CNTNAP5: variants seen among roughly 807,000 people sequenced by gnomAD.
CNTNAP5 encodes contactin-associated protein-like 5.
A neutral mutation model predicts 150.2 loss-of-function variants in CNTNAP5; 72 were observed. That is an observed-to-expected ratio of 0.48 (90% CI 0.40 to 0.58). The LOEUF (loss-of-function observed/expected upper bound fraction) is 0.58. CNTNAP5 is among the 20% of genes least tolerant of loss of function. The pLI is 0.00. For missense variants in CNTNAP5, 1,636 were observed against 1,626.2 expected (o/e 1.01, Z -0.10); for synonymous variants, 672 against 619.8 (o/e 1.08, Z -1.25).
chr2:124,377,951 C>A (rs751642283), intron 3 of CNTNAP5, among the ~76,000 whole-genome samples: 7 of 152,132 alleles, frequency 4.6e-5, no homozygotes, highest in Admixed American at 3.3e-4. Flanking sequence ...GACAGCCTAC[C>A]TTTGAATTCA....
At chr2:124,378,720 A>G (rs548041691) in intron 3 of CNTNAP5, among the ~76,000 whole-genome samples, 4 of 152,214 alleles carry the variant, frequency 2.6e-5, no homozygotes, top group African/African-American at 9.6e-5. Context: ...CTTGGGTATG[A>G]AACTGTTGAG....
At position 124,446,832 on chromosome 2, in the gene CNTNAP5, G is replaced by C; in HGVS notation, c.813G>C (p.Ser271=). 6.2e-7 allele frequency: 1 copy of C among 1,613,848 alleles called. No individual in the cohort carries two copies. Among genetic ancestry groups the C allele is most frequent in the South Asian group, 1.1e-5 (1 of 91,058 alleles). Residue 271 remains serine, a synonymous_variant, in exon 6 of 24, where the codon TCG becomes TCC. Coordinates refer to ENST00000682447, the MANE Select transcript of CNTNAP5 (RefSeq NM_001367498.1). ...TCCTGGATGACCAGCACTGGCACTCGGTCCTCATTGAGCGGGTGGGCAAGC... is the reference window on the plus strand; with the variant it reads ...TCCTGGATGACCAGCACTGGCACTCCGTCCTCATTGAGCGGGTGGGCAAGC... ...GSLLDDQHWH[S]VLIERVGKQV...
intron 8 of CNTNAP5, among the ~76,000 whole-genome samples, chr2:124,510,337 C>CTATATA (rs1558933371): frequency 6.5e-4 from 3 of 4,616 alleles, no homozygotes; most frequent in Non-Finnish European, 1.6e-3. Flanking sequence ...ATATATATAT[C>CTATATA]TCCATATGTC....
chr2:124,064,127 G>T (rs1358476576), intron 1 of CNTNAP5, among the ~76,000 whole-genome samples: 1 of 152,084 alleles, frequency 6.6e-6, no homozygotes, highest in East Asian at 1.9e-4. Context: ...CTAAATTAGC[G>T]ACTTCGAAGG....
intron 3 of CNTNAP5, among the ~76,000 whole-genome samples, chr2:124,392,767 AGAG>A (rs1422890229): frequency 1.3e-5 from 2 of 151,816 alleles, no homozygotes; most frequent in African/African-American, 4.8e-5. Context: ...AATGAAAAAA[AGAG>A]GAGAACAAAA....
intron 1 of CNTNAP5, among the ~76,000 whole-genome samples, chr2:124,091,111 C>T (rs79045578): frequency 6.6e-6 from 1 of 152,134 alleles, no homozygotes; most frequent in African/African-American, 2.4e-5. Context: ...GTCCCCCAAA[C>T]AGCGGAGTAC....
In CNTNAP5 at chr2:124,527,337, C is replaced by T. The variant is rs765978315; in HGVS notation, c.1530C>T (p.Phe510=). The T allele has an allele frequency of 8.1e-6, 13 of 1,613,616 alleles. No individual in the cohort carries two copies. ...DSQCLNPIKA[F]QGCMRLIFID... is the part of the protein sequence containing the mutation. ...AATGTTTAAATCCCATTAAGGCTTT[C>T]CAAGGCTGCATGAGGCTCATCTTTA... The change falls in exon 10 of 24, where the codon TTC becomes TTT. Residue 510 remains phenylalanine, a synonymous_variant. Coordinates refer to ENST00000682447, the MANE Select transcript of CNTNAP5 (RefSeq NM_001367498.1).
At chr2:124,771,773 C>A (rs1681199623) in intron 16 of CNTNAP5, among the ~76,000 whole-genome samples, 1 of 151,576 alleles carries the variant, frequency 6.6e-6, no homozygotes, top group Non-Finnish European at 1.5e-5. Flanking sequence ...ACCAGCACTG[C>A]CACCATCACC....
chr2:124,913,064 A>C (rs1678688067), intron 23 of CNTNAP5, among the ~76,000 whole-genome samples: 1 of 152,110 alleles, frequency 6.6e-6, no homozygotes, highest in East Asian at 1.9e-4. Context: ...GGTGGAAGAC[A>C]TGCAATCCAT....
At chr2:124,891,863 T>C (rs1678202206) in intron 21 of CNTNAP5, among the ~76,000 whole-genome samples, 2 of 152,152 alleles carry the variant, frequency 1.3e-5, no homozygotes, top group Non-Finnish European at 2.9e-5. Flanking sequence ...ATAATGGCCA[T>C]GTGACATTGT....
intron 13 of CNTNAP5, among the ~76,000 whole-genome samples, chr2:124,690,488 C>T (rs184010383): frequency 2.0e-3 from 310 of 152,182 alleles, no homozygotes; most frequent in African/African-American, 7.2e-3. Flanking sequence ...TCCCTGTTTC[C>T]AGTTCTTTGT....
At chr2:124,051,604 G>A in intron 1 of CNTNAP5, among the ~76,000 whole-genome samples, 1 of 152,204 alleles carries the variant, frequency 6.6e-6, no homozygotes, top group East Asian at 1.9e-4. Context: ...AGAGAAGCAG[G>A]AAGTATTAAG....
chr2:124,607,074 T>G (rs768457734), intron 11 of CNTNAP5, among the ~76,000 whole-genome samples: 2 of 152,214 alleles, frequency 1.3e-5, no homozygotes, highest in African/African-American at 4.8e-5. Flanking sequence ...AGGCTCTTTT[T>G]GAGTTACTGT....
chr2:124,511,626 A>G (rs1694593278), intron 8 of CNTNAP5, among the ~76,000 whole-genome samples: 2 of 152,194 alleles, frequency 1.3e-5, no homozygotes, highest in African/African-American at 4.8e-5. Flanking sequence ...TCTTGAGAGA[A>G]AACAATAGGC....
intron 7 of CNTNAP5, among the ~76,000 whole-genome samples, chr2:124,496,492 T>C (rs891514224): frequency 5.9e-5 from 9 of 152,188 alleles, no homozygotes; most frequent in Non-Finnish European, 1.3e-4. Flanking sequence ...GCTTTATTTT[T>C]TACTCACCAG....
At chr2:124,672,158 C>T (rs1416791727) in intron 13 of CNTNAP5, among the ~76,000 whole-genome samples, 1 of 152,088 alleles carries the variant, frequency 6.6e-6, no homozygotes, top group Non-Finnish European at 1.5e-5. Context: ...TTGGAGGTGG[C>T]CACCCTCTTC....
intron 7 of CNTNAP5, among the ~76,000 whole-genome samples, chr2:124,488,426 C>T (rs1043072706): frequency 7.9e-5 from 12 of 152,150 alleles, no homozygotes; most frequent in African/African-American, 2.9e-4. Context: ...ATTAAAGTAA[C>T]TTCCCCAAGA....
At chr2:124,331,717 T>C (rs1689352753) in intron 3 of CNTNAP5, among the ~76,000 whole-genome samples, 1 of 152,054 alleles carries the variant, frequency 6.6e-6, no homozygotes, top group African/African-American at 2.4e-5. Context: ...GTTAAATAGA[T>C]GTTAAAAAAA....
chr2:124,238,328 A>T (rs897642263), intron 2 of CNTNAP5, among the ~76,000 whole-genome samples: 14 of 151,886 alleles, frequency 9.2e-5, no homozygotes, highest in African/African-American at 3.4e-4. Context: ...AGAATCTCTC[A>T]TCTAGTGTGA....
Sources: allele counts gnomAD v4.1 joint callset (sites outside exome capture counted in the v4.1 genomes callset), GRCh38; gene constraint gnomAD v4.1.1; transcripts MANE v1.5; gene names NCBI Gene and HGNC (gene_info 2026-07-23, HGNC 2026-07-21).